Variants in WDFY2 observed in about 807,000 individuals in gnomAD.
WDFY2 encodes WD repeat and FYVE domain-containing protein 2.
A neutral mutation model predicts 56.4 loss-of-function variants in WDFY2; 36 were observed. That is an observed-to-expected ratio of 0.64 (90% CI 0.49 to 0.84). The LOEUF (loss-of-function observed/expected upper bound fraction) is 0.84. Ranked by LOEUF, WDFY2 falls within the 40% of genes least tolerant of loss-of-function variation. The pLI, the probability that WDFY2 is intolerant of heterozygous loss-of-function variation, is 0.00. For synonymous variants in WDFY2, 176 were observed against 183.7 expected, an observed-to-expected ratio of 0.96 and a Z score of 0.34; for missense variants, 444 against 512.2, an observed-to-expected ratio of 0.87 and a Z score of 1.29.
chr13:51,608,598 T>C (rs1954427715), intron 1 of WDFY2, among the ~76,000 whole-genome samples: 2 of 152,162 alleles, frequency 1.3e-5, no homozygotes, highest in African/African-American at 4.8e-5. Context: ...GGACAATCGC[T>C]TGCACCTGGG....
intron 1 of WDFY2, among the ~76,000 whole-genome samples, chr13:51,618,335 T>C (rs1413253072): frequency 6.6e-6 from 1 of 152,192 alleles, no homozygotes. Flanking sequence ...AGCAATGATA[T>C]TGATAATAAA....
At chr13:51,631,107 A>C (rs1283162686) in intron 1 of WDFY2, among the ~76,000 whole-genome samples, 3 of 149,298 alleles carry the variant, frequency 2.0e-5, no homozygotes, top group African/African-American at 7.3e-5. Context: ...AGGAAAGAAA[A>C]CAAGCTGGGC....
chr13:51,592,962 G>A (rs1593849599), intron 1 of WDFY2, among the ~76,000 whole-genome samples: 1 of 152,032 alleles, frequency 6.6e-6, no homozygotes, highest in Non-Finnish European at 1.5e-5. Context: ...TCTCTACAGC[G>A]AATAAATAAA....
At chr13:51,728,041 T>G (rs993313247) in intron 6 of WDFY2, among the ~76,000 whole-genome samples, 6 of 152,240 alleles carry the variant, frequency 3.9e-5, no homozygotes, top group African/African-American at 1.4e-4. Context: ...TCTGTCATAC[T>G]GCACCAGAGA....
intron 8 of WDFY2, 145 bp downstream of exon 8, chr13:51,751,560 GTT>G: frequency 1.4e-6 from 1 of 700,520 alleles, no homozygotes. Flanking sequence ...TGTTTGGGTT[GTT>G]TTTTTTTTCC....
intron 4 of WDFY2, among the ~76,000 whole-genome samples, chr13:51,704,570 C>G (rs539350336): frequency 3.3e-5 from 5 of 152,214 alleles, no homozygotes; most frequent in Non-Finnish European, 5.9e-5. Flanking sequence ...CTCTCTTACA[C>G]ATGACAATCT....
intron 7 of WDFY2, among the ~76,000 whole-genome samples, chr13:51,748,097 A>C (rs1206234958): frequency 1.3e-5 from 2 of 151,980 alleles, no homozygotes; most frequent in Non-Finnish European, 2.9e-5. Flanking sequence ...GTCTTTATCT[A>C]TAGAGCCCAC....
At chr13:51,759,665 G>C in intron 11 of WDFY2, 75 bp from the exon 12 acceptor site, 1 of 1,467,492 alleles carries the variant, frequency 6.8e-7, no homozygotes, top group East Asian at 2.3e-5. Context: ...AAATTTCCTT[G>C]AAGAATTCAG....
At chr13:51,635,967 A>C (rs1955040687) in intron 1 of WDFY2, among the ~76,000 whole-genome samples, 1 of 152,124 alleles carries the variant, frequency 6.6e-6, no homozygotes, top group African/African-American at 2.4e-5. Context: ...TTCCCTTCTC[A>C]GATATGGAAG....
intron 1 of WDFY2, among the ~76,000 whole-genome samples, chr13:51,600,871 C>T (rs1954263127): frequency 6.6e-6 from 1 of 152,178 alleles, no homozygotes; most frequent in African/African-American, 2.4e-5. Flanking sequence ...TCTTGTGTTT[C>T]TCCTGACCTT....
intron 5 of WDFY2, among the ~76,000 whole-genome samples, chr13:51,724,615 C>T (rs935283632): frequency 6.6e-6 from 1 of 152,114 alleles, no homozygotes. Context: ...ATAGAGATTG[C>T]CTGTGCACCT....
intron 11 of WDFY2, among the ~76,000 whole-genome samples, chr13:51,759,085 G>A (rs771714027): frequency 3.3e-5 from 5 of 152,268 alleles, no homozygotes; most frequent in South Asian, 4.1e-4. Flanking sequence ...GGAGGCTGAC[G>A]TGCAAGAATT....
chr13:51,614,371 A>G (rs1457290504), intron 1 of WDFY2, among the ~76,000 whole-genome samples: 1 of 152,226 alleles, frequency 6.6e-6, no homozygotes, highest in Admixed American at 6.5e-5. Context: ...TGCAACGAAC[A>G]GAAAACCTGA....
intron 1 of WDFY2, among the ~76,000 whole-genome samples, chr13:51,630,593 A>G (rs1285973428): frequency 6.6e-6 from 1 of 151,798 alleles, no homozygotes; most frequent in African/African-American, 2.4e-5. Flanking sequence ...ACCCAGTCAG[A>G]TGGGTGGTAT....
At chr13:51,699,143 G>C (rs1370165946) in intron 3 of WDFY2, among the ~76,000 whole-genome samples, 1 of 152,194 alleles carries the variant, frequency 6.6e-6, no homozygotes, top group African/African-American at 2.4e-5. Flanking sequence ...AGCTCTGCAA[G>C]GCCACAGATC....
At chr13:51,714,877 G>T (rs1952308764) in intron 4 of WDFY2, among the ~76,000 whole-genome samples, 1 of 152,222 alleles carries the variant, frequency 6.6e-6, no homozygotes, top group African/African-American at 2.4e-5. Flanking sequence ...GGGCTAGAGG[G>T]TATAGCCTGT....
chr13:51,734,942 GC>G (rs1952802679), intron 6 of WDFY2, among the ~76,000 whole-genome samples: 1 of 152,232 alleles, frequency 6.6e-6, no homozygotes, highest in East Asian at 1.9e-4. Flanking sequence ...CCTGGGCTCT[GC>G]CCCCAGTGTG....
intron 4 of WDFY2, among the ~76,000 whole-genome samples, chr13:51,712,763 G>T (rs940183612): frequency 6.6e-6 from 1 of 151,042 alleles, no homozygotes; most frequent in Non-Finnish European, 1.5e-5. Context: ...AAGAGAAAAT[G>T]CAAATTATCA....
At chr13:51,649,619 C>G (rs983140964) in intron 1 of WDFY2, among the ~76,000 whole-genome samples, 1 of 124,180 alleles carries the variant, frequency 8.1e-6, no homozygotes, top group Non-Finnish European at 1.6e-5. Context: ...GTGTGATGTT[C>G]CCCTTCCTGT....
Sources: gnomAD v4.1 joint callset for allele counts (sites outside exome capture counted in the v4.1 genomes callset) on GRCh38, gnomAD v4.1.1 for gene constraint, MANE v1.5 for transcripts, NCBI Gene and HGNC (gene_info 2026-07-23, HGNC 2026-07-21) for gene names.